The following PTPN3 variants were observed in gnomAD, a reference collection of about 807,000 sequenced individuals.
PTPN3 encodes the protein protein tyrosine phosphatase non-receptor type 3.
Under a neutral mutation model 132.7 loss-of-function variants are expected in PTPN3, and 96 were observed. The observed-to-expected ratio is 0.72, with a 90% CI of 0.61 to 0.86. The LOEUF (loss-of-function observed/expected upper bound fraction) is 0.86. PTPN3 is among the 40% of genes least tolerant of loss of function. The pLI, the probability that PTPN3 is intolerant of heterozygous loss-of-function variation, is 0.00. For missense variants in PTPN3, 1,125 were observed against 1,159.6 expected, an observed-to-expected ratio of 0.97 and a Z score of 0.43; for synonymous variants, 398 against 429.0, an observed-to-expected ratio of 0.93 and a Z score of 0.89.
At chr9:109,515,462 A>T in the PTPN3 span, among the ~76,000 whole-genome samples, 1 of 152,216 alleles carries the variant, frequency 6.6e-6, no homozygotes, top group Non-Finnish European at 1.5e-5. Context: ...ATCTTAATAT[A>T]GCCATTTACA....
rs375434242 is a variant in PTPN3 at position 109,382,354 on chromosome 9, T to A, written c.2476A>T (p.Asn826Tyr). The A allele has an allele frequency of 1.5e-5, 25 of 1,613,968 alleles. No homozygotes were observed. In the East Asian group the frequency reaches 3.8e-4, roughly 24 times the overall value. Reference protein sequence around the residue: ...DDSSDFLEFVNYVRSLRVDSE... With the variant: ...DDSSDFLEFVYYVRSLRVDSE... ...TCCACTCTCAGAGACCTCACATAGT[T>A]TACAAATTCCAGAAAGTCGGAGGAG... Residue 826 changes from asparagine to tyrosine, a missense_variant, in exon 24 of 26, where the codon AAC becomes TAC. Physicochemically the swap from Asn to Tyr is moderately radical, Grantham distance 143. Transcript: ENST00000374541.
At chr9:109,530,209 A>G in the PTPN3 span, among the ~76,000 whole-genome samples, 1 of 152,102 alleles carries the variant, frequency 6.6e-6, no homozygotes, top group African/African-American at 2.4e-5. Flanking sequence ...CCCAAACTAA[A>G]ATTCTGTACC....
At chr9:109,429,316 C>T (rs1454437932) in intron 10 of PTPN3, among the ~76,000 whole-genome samples, 1 of 152,160 alleles carries the variant, frequency 6.6e-6, no homozygotes, top group Admixed American at 6.5e-5. Flanking sequence ...ATTCCTGGAG[C>T]CAGGACCTGC....
chr9:109,390,020 C>T (rs1839927279), intron 21 of PTPN3, among the ~76,000 whole-genome samples: 1 of 152,220 alleles, frequency 6.6e-6, no homozygotes, highest in South Asian at 2.1e-4. Context: ...CTGGGATTCA[C>T]TCACTCTCAG....
chr9:109,477,140 TG>T (rs772007026), intron 1 of PTPN3, among the ~76,000 whole-genome samples: 14 of 152,194 alleles, frequency 9.2e-5, no homozygotes, highest in Non-Finnish European at 1.6e-4. Context: ...TCCACGTGAC[TG>T]GGAGGCAGAC....
chr9:109,489,048 T>C (rs1847339813), intron 1 of PTPN3, among the ~76,000 whole-genome samples: 1 of 152,194 alleles, frequency 6.6e-6, no homozygotes, highest in Non-Finnish European at 1.5e-5. Flanking sequence ...GGAAAGAAGA[T>C]AAGGTCTAGG....
chr9:109,394,719 C>A (rs1220136877), intron 19 of PTPN3, among the ~76,000 whole-genome samples: 1 of 152,148 alleles, frequency 6.6e-6, no homozygotes, highest in Non-Finnish European at 1.5e-5. Flanking sequence ...GCAACACACA[C>A]AGTGTATATA....
intron 19 of PTPN3, among the ~76,000 whole-genome samples, chr9:109,401,055 G>T (rs1281846372): frequency 6.6e-6 from 1 of 152,156 alleles, no homozygotes; most frequent in Non-Finnish European, 1.5e-5. Flanking sequence ...CTGTATTTTG[G>T]AATTCTGCAA....
chr9:109,432,455 C>A (rs1843729638), intron 10 of PTPN3, among the ~76,000 whole-genome samples: 1 of 152,152 alleles, frequency 6.6e-6, no homozygotes, highest in Non-Finnish European at 1.5e-5. Flanking sequence ...ATTCCTTGCA[C>A]CATCACGTTA....
the PTPN3 span, among the ~76,000 whole-genome samples, chr9:109,519,778 C>T: frequency 6.6e-6 from 1 of 152,214 alleles, no homozygotes; most frequent in African/African-American, 2.4e-5. Flanking sequence ...ACATTTGCAT[C>T]AACGCACTTA....
chr9:109,523,498 A>T, the PTPN3 span, among the ~76,000 whole-genome samples: 2 of 116,800 alleles, frequency 1.7e-5, no homozygotes, highest in Non-Finnish European at 3.5e-5. Flanking sequence ...TCGTCTTCAG[A>T]GTCTGACCTC....
intron 19 of PTPN3, among the ~76,000 whole-genome samples, chr9:109,402,309 T>C (rs1316353922): frequency 6.6e-6 from 1 of 152,144 alleles, no homozygotes; most frequent in Admixed American, 6.6e-5. Flanking sequence ...TTTTATTTTT[T>C]GTGAGATGGA....
chr9:109,522,710 A>G, the PTPN3 span, among the ~76,000 whole-genome samples: 1 of 152,220 alleles, frequency 6.6e-6, no homozygotes, highest in African/African-American at 2.4e-5. Context: ...CTCATAGGAA[A>G]CCATCCTAAG....
chr9:109,383,483 A>C lies in PTPN3; in HGVS notation c.2322T>G (p.Cys774Trp). The change falls in exon 23 of 26, where the codon TGT becomes TGG. Residue 774 changes from cysteine (C) to tryptophan (W), a missense_variant. Coordinates refer to ENST00000374541, the MANE Select transcript of PTPN3 (RefSeq NM_002829.4). Reference protein sequence around the residue: ...VMNHGGFHIQCQSEDCTIAYV... With the variant: ...VMNHGGFHIQWQSEDCTIAYV... ...AGGCGATGGTGCAGTCCTCTGACTG[A>C]CACTGGATGTGAAAGCCGCCGTGGT... 3 of 1,613,942 alleles carry C rather than the reference A, an allele frequency of 1.9e-6. No homozygotes were observed. Among genetic ancestry groups the C allele is most frequent in the Non-Finnish European group, 2.5e-6 (3 of 1,179,978 alleles).
At chr9:109,491,377 T>C (rs893244268) in intron 1 of PTPN3, among the ~76,000 whole-genome samples, 2 of 152,228 alleles carry the variant, frequency 1.3e-5, no homozygotes, top group Admixed American at 1.3e-4. Flanking sequence ...TCAGGATAGA[T>C]ATATATGTAC....
intron 5 of PTPN3, chr9:109,450,795 G>C (rs949707261): frequency 3.0e-6 from 3 of 985,450 alleles, no homozygotes; most frequent in Non-Finnish European, 3.6e-6. Context: ...GAAATGTAAT[G>C]ACCTCTCTTG....
chr9:109,487,522 G>A (rs752777577), intron 1 of PTPN3, among the ~76,000 whole-genome samples: 11 of 152,218 alleles, frequency 7.2e-5, no homozygotes, highest in Non-Finnish European at 1.5e-4. Flanking sequence ...CACACGCTCT[G>A]GGGGTGGGGC....
chr9:109,471,664 G>A (rs917865448), intron 1 of PTPN3, among the ~76,000 whole-genome samples: 1 of 126,152 alleles, frequency 7.9e-6, no homozygotes, highest in Admixed American at 8.7e-5. Context: ...TTGTCATATG[G>A]AAGGCACTTT....
At chr9:109,387,892 C>T (rs974458650) in intron 22 of PTPN3, among the ~76,000 whole-genome samples, 1 of 152,040 alleles carries the variant, frequency 6.6e-6, no homozygotes, top group Non-Finnish European at 1.5e-5. Context: ...AGGGAGAGCA[C>T]AAAGAAAAAC....
Sources: allele counts gnomAD v4.1 joint callset (sites outside exome capture counted in the v4.1 genomes callset), GRCh38; gene constraint gnomAD v4.1.1; transcripts MANE v1.5; gene names NCBI Gene and HGNC (gene_info 2026-07-23, HGNC 2026-07-21).